The following FRMD3 variants were observed in gnomAD, a reference collection of about 807,000 sequenced individuals.
The protein encoded by FRMD3 is FERM domain containing 3.
Under a neutral mutation model 70.2 loss-of-function variants are expected in FRMD3, and 33 were observed. The observed-to-expected ratio is 0.47, with a 90% CI of 0.36 to 0.63. The LOEUF (loss-of-function observed/expected upper bound fraction) is 0.63. Ranked by LOEUF, FRMD3 falls within the 20% of genes least tolerant of loss-of-function variation. The pLI is 0.00. For synonymous variants in FRMD3, 279 were observed against 255.9 expected, an observed-to-expected ratio of 1.09 and a Z score of -0.86; for missense variants, 632 against 711.4, an observed-to-expected ratio of 0.89 and a Z score of 1.27.
chr9:83,374,719 A>G (rs1273679491), intron 2 of FRMD3, among the ~76,000 whole-genome samples: 1 of 152,220 alleles, frequency 6.6e-6, no homozygotes, highest in East Asian at 1.9e-4. Context: ...AAAATACTCA[A>G]TAAAATGATT....
chr9:83,556,621 T>G, the FRMD3 span, among the ~76,000 whole-genome samples: 1 of 152,204 alleles, frequency 6.6e-6, no homozygotes, highest in Non-Finnish European at 1.5e-5. Flanking sequence ...TCTCCATTGT[T>G]GTTTCTCAGT....
intron 1 of FRMD3, among the ~76,000 whole-genome samples, chr9:83,431,700 A>G (rs1826982335): frequency 1.3e-5 from 2 of 152,084 alleles, no homozygotes. Context: ...TGATTTGTTG[A>G]CCATGAGGCC....
In FRMD3 at chr9:83,463,123, A is replaced by T. The variant is rs558813604; in HGVS notation, c.148-73415T>A. 4.6e-5 allele frequency among the ~76,000 whole-genome samples: 7 copies of T among 152,274 alleles called. No individual in the cohort carries two copies. The South Asian group carries it at 1.4e-3, about 32-fold the overall frequency. On this transcript the variant is annotated intron_variant, in intron 1 of 13. Transcript: ENST00000304195. ...AAGGAAAGGAAATTAGAATACCAGA[A>T]TGGGGGGACTCAGAGCCAATCAGCA...
intron 1 of FRMD3, among the ~76,000 whole-genome samples, chr9:83,406,495 G>A (rs1453059522): frequency 6.6e-6 from 1 of 152,220 alleles, no homozygotes; most frequent in Non-Finnish European, 1.5e-5. Context: ...CTCTTAGGAT[G>A]GAGGAAAGTT....
chr9:83,450,743 G>A (rs1827629835), intron 1 of FRMD3, among the ~76,000 whole-genome samples: 1 of 152,136 alleles, frequency 6.6e-6, no homozygotes, highest in African/African-American at 2.4e-5. Flanking sequence ...AGGCTGGGCA[G>A]GGAAAACAAA....
chr9:83,341,325 G>A (rs1331446342), intron 5 of FRMD3, among the ~76,000 whole-genome samples: 1 of 152,098 alleles, frequency 6.6e-6, no homozygotes, highest in Non-Finnish European at 1.5e-5. Context: ...AGCAATGAGG[G>A]ATAAAATAGG....
intron 2 of FRMD3, among the ~76,000 whole-genome samples, chr9:83,378,380 C>A (rs1434018118): frequency 6.8e-6 from 1 of 147,058 alleles, no homozygotes; most frequent in Non-Finnish European, 1.5e-5. Flanking sequence ...TGGGTTCAAG[C>A]AATTCTCCCG....
intron 12 of FRMD3, among the ~76,000 whole-genome samples, chr9:83,293,146 G>A (rs756983472): frequency 3.9e-5 from 6 of 152,144 alleles, no homozygotes; most frequent in South Asian, 2.1e-4. Flanking sequence ...GGAAAGAACC[G>A]TAGATAGAGA....
At chr9:83,297,020 A>C (rs560386976) in intron 12 of FRMD3, among the ~76,000 whole-genome samples, 9 of 152,342 alleles carry the variant, frequency 5.9e-5, no homozygotes, top group African/African-American at 2.2e-4. Context: ...AGAAACCCTG[A>C]GCTAGAAAGC....
At chr9:83,544,853 TAC>T in the FRMD3 span, among the ~76,000 whole-genome samples, 4 of 152,042 alleles carry the variant, frequency 2.6e-5, no homozygotes, top group African/African-American at 4.8e-5. Context: ...CAACATACAT[TAC>T]AGTCATCCTC....
At chr9:83,277,071 A>G (rs1833817821) in intron 13 of FRMD3, among the ~76,000 whole-genome samples, 1 of 152,228 alleles carries the variant, frequency 6.6e-6, no homozygotes, top group South Asian at 2.1e-4. Context: ...TCTCATATAC[A>G]GTTTGGTGGG....
At chr9:83,320,061 C>T (rs540730004) in intron 6 of FRMD3, among the ~76,000 whole-genome samples, 15 of 152,162 alleles carry the variant, frequency 9.9e-5, no homozygotes, top group South Asian at 6.2e-4. Flanking sequence ...CTTTTGGTAG[C>T]GATTTTAGGG....
intron 1 of FRMD3, among the ~76,000 whole-genome samples, chr9:83,526,834 C>T (rs1007043907): frequency 1.3e-5 from 2 of 151,498 alleles, no homozygotes; most frequent in African/African-American, 4.8e-5. Context: ...GAAAACCTAA[C>T]TTCTTGATCA....
chr9:83,507,384 A>G (rs76270460), intron 1 of FRMD3, among the ~76,000 whole-genome samples: 1 of 120,316 alleles, frequency 8.3e-6, no homozygotes, highest in African/African-American at 3.2e-5. Flanking sequence ...AAAAAAAAAA[A>G]AGGCTGGGTG....
At chr9:83,582,959 G>A in the FRMD3 span, among the ~76,000 whole-genome samples, 1 of 152,138 alleles carries the variant, frequency 6.6e-6, no homozygotes, top group Non-Finnish European at 1.5e-5. Flanking sequence ...TCTTGAACAT[G>A]GAGCACGTCT....
At chr9:83,348,385 C>T (rs1824032603) in intron 4 of FRMD3, among the ~76,000 whole-genome samples, 1 of 152,142 alleles carries the variant, frequency 6.6e-6, no homozygotes, top group Admixed American at 6.5e-5. Context: ...TATACCATTC[C>T]ATTTACATGA....
chr9:83,570,316 G>A, the FRMD3 span, among the ~76,000 whole-genome samples: 1 of 152,300 alleles, frequency 6.6e-6, no homozygotes, highest in Non-Finnish European at 1.5e-5. Flanking sequence ...AGCAGGGAAA[G>A]GAAAAGGGGG....
intron 1 of FRMD3, among the ~76,000 whole-genome samples, chr9:83,402,898 C>CTTTTTTTTTTTTTTTT (rs559570925): frequency 3.4e-5 from 3 of 87,296 alleles, no homozygotes; most frequent in African/African-American, 8.9e-5. Flanking sequence ...TTCTTTCTTT[C>CTTTTTTTTTTTTTTTT]TTTTTTTTTT....
At position 83,246,692 on chromosome 9, in the gene FRMD3, C is replaced by T. The variant is rs540914859; in HGVS notation, c.*1226G>A. On this transcript the variant is annotated 3_prime_UTR_variant, in exon 14 of 14. Coordinates refer to ENST00000304195, the MANE Select transcript of FRMD3 (RefSeq NM_174938.6). ...TCTCACACACACACACACGCACACT[C>T]ACATACAAACACATTTTTGAAGTTT... The T allele has an allele frequency of 4.1e-6, 4 of 984,558 alleles. No homozygotes were observed. The African/African-American group carries it at 7.0e-5, about 17-fold the overall frequency. 61.0% of individuals were successfully genotyped at this position (984,558 alleles called of 1,614,324 possible). A position where few individuals can be genotyped will look rare whatever the true frequency, so the allele number is the denominator to read the frequency against.
Sources: allele counts gnomAD v4.1 joint callset (sites outside exome capture counted in the v4.1 genomes callset), GRCh38; gene constraint gnomAD v4.1.1; transcripts MANE v1.5; gene names NCBI Gene and HGNC (gene_info 2026-07-23, HGNC 2026-07-21).